The following BMP6 variants were observed in gnomAD, a reference collection of about 807,000 sequenced individuals.
BMP6 encodes the protein bone morphogenetic protein 6.
BMP6 carries 17 observed loss-of-function variants against 54.1 expected under a neutral mutation model. The observed-to-expected ratio is 0.31, with a 90% CI of 0.22 to 0.47. The LOEUF is 0.47. BMP6 is among the 20% of genes least tolerant of loss of function. The probability of loss-of-function intolerance (pLI) is 1.00; values close to 1 mark genes in which losing one functional copy is unlikely to be tolerated. For missense variants in BMP6, 720 were observed against 690.4 expected, an observed-to-expected ratio of 1.04 and a Z score of -0.48; for synonymous variants, 328 against 291.2, an observed-to-expected ratio of 1.13 and a Z score of -1.28.
chr6:7,804,646 A>G (rs1654726312), intron 1 of BMP6, among the ~76,000 whole-genome samples: 1 of 152,192 alleles, frequency 6.6e-6, no homozygotes, highest in African/African-American at 2.4e-5. Flanking sequence ...TCATTTAGCA[A>G]ACATCTGGTG....
chr6:7,771,629 G>GT (rs1757789166), intron 1 of BMP6, among the ~76,000 whole-genome samples: 4 of 152,196 alleles, frequency 2.6e-5, no homozygotes. Context: ...TTTCATGGTC[G>GT]TATTTGCTGG....
chr6:7,738,242 T>A (rs924969481), intron 1 of BMP6, among the ~76,000 whole-genome samples: 2 of 152,180 alleles, frequency 1.3e-5, no homozygotes, highest in Non-Finnish European at 2.9e-5. Flanking sequence ...TGACTTTTAC[T>A]CTCTAACCCC....
At chr6:7,748,446 T>C (rs2113125960) in intron 1 of BMP6, among the ~76,000 whole-genome samples, 1 of 152,258 alleles carries the variant, frequency 6.6e-6, no homozygotes, top group Middle Eastern at 3.4e-3. Context: ...AAAAGAAAAC[T>C]GGAACAGTTT....
At chr6:7,820,989 A>G (rs1758603097) in intron 1 of BMP6, among the ~76,000 whole-genome samples, 1 of 152,228 alleles carries the variant, frequency 6.6e-6, no homozygotes, top group Non-Finnish European at 1.5e-5. Flanking sequence ...GGAAATGCTC[A>G]TCGCCAGCCA....
chr6:7,820,559 C>T (rs1191639546), intron 1 of BMP6, among the ~76,000 whole-genome samples: 1 of 152,212 alleles, frequency 6.6e-6, no homozygotes, highest in African/African-American at 2.4e-5. Context: ...TGGGAGCCCT[C>T]AGCATCTTTC....
intron 1 of BMP6, among the ~76,000 whole-genome samples, chr6:7,801,750 C>G (rs1437766572): frequency 2.0e-5 from 3 of 152,220 alleles, no homozygotes; most frequent in Non-Finnish European, 4.4e-5. Flanking sequence ...TGCCTTCTGC[C>G]TCTTTGCAAG....
At position 7,880,627 on chromosome 6, in the gene BMP6, T is replaced by TC. The variant is rs1305025036; in HGVS notation, c.*289dup. 2.3e-6 allele frequency: 1 copy of TC among 440,504 alleles called. No individual in the cohort carries two copies. Among genetic ancestry groups the TC allele is most frequent in the African/African-American group, 2.0e-5 (1 of 51,062 alleles). The allele number at this position is 440,504 out of a possible 1,614,324, so 27.3% of individuals were successfully genotyped here. On this transcript the variant is annotated 3_prime_UTR_variant, in exon 7 of 7. Coordinates refer to ENST00000283147, the MANE Select transcript of BMP6 (RefSeq NM_001718.6). ...AACCGTGAAGCTCTTCCTACCCTCCTCCCCCAAAAACCCACCAAAATTAGT... is the reference window on the plus strand; with the variant it reads ...AACCGTGAAGCTCTTCCTACCCTCCTCCCCCCAAAAACCCACCAAAATTAGT...
At position 7,807,913 on chromosome 6, in the gene BMP6, CTTTTTTTTT is replaced by C. The variant is rs755894743; in HGVS notation, c.665-37210_665-37202del. Among the ~76,000 whole-genome samples, 25 of 81,482 alleles carry C rather than the reference CTTTTTTTTT, an allele frequency of 3.1e-4. No homozygotes were observed. In the East Asian group the frequency reaches 6.6e-3, roughly 21 times the overall value. 53.5% of individuals were successfully genotyped at this position (81,482 alleles called of 152,430 possible). A position where few individuals can be genotyped will look rare whatever the true frequency, so the allele number is the denominator to read the frequency against. ...TTGTATTACTAACGGGAAGTCTTTACTTTTTTTTTTTTTTTTTTTTTTTTTGAGACGGAG... is the reference window on the plus strand; with the variant it reads ...TTGTATTACTAACGGGAAGTCTTTACTTTTTTTTTTTTTTTTGAGACGGAG... On this transcript the variant is annotated intron_variant, in intron 1 of 6. Coordinates refer to ENST00000283147, the MANE Select transcript of BMP6 (RefSeq NM_001718.6).
chr6:7,830,245 C>T (rs1177256439), intron 1 of BMP6, among the ~76,000 whole-genome samples: 1 of 152,134 alleles, frequency 6.6e-6, no homozygotes, highest in Admixed American at 6.5e-5. Context: ...TTTCTTTTGA[C>T]TCTCATCAGT....
At chr6:7,772,647 G>T (rs1757806545) in intron 1 of BMP6, among the ~76,000 whole-genome samples, 1 of 152,138 alleles carries the variant, frequency 6.6e-6, no homozygotes, top group Non-Finnish European at 1.5e-5. Flanking sequence ...GAGCTGGTTA[G>T]GCAAAACCAG....
At chr6:7,744,686 C>T (rs1156370650) in intron 1 of BMP6, among the ~76,000 whole-genome samples, 2 of 152,220 alleles carry the variant, frequency 1.3e-5, no homozygotes, top group East Asian at 1.9e-4. Context: ...AGAAAGTTCC[C>T]TCAGGCTGCT....
chr6:7,744,961 A>G (rs1757325162), intron 1 of BMP6, among the ~76,000 whole-genome samples: 1 of 152,198 alleles, frequency 6.6e-6, no homozygotes, highest in Non-Finnish European at 1.5e-5. Context: ...CAGTGCCCAG[A>G]ATGTGCCTAG....
chr6:7,878,480 C>T (rs1368534675), intron 4 of BMP6, among the ~76,000 whole-genome samples: 1 of 152,168 alleles, frequency 6.6e-6, no homozygotes, highest in Non-Finnish European at 1.5e-5. Flanking sequence ...AGTGTTATTG[C>T]ATCAGCACAC....
rs148035325 is a variant in BMP6, at chr6:7,766,117, T to A, written c.664+38498T>A. ...CCTTTCTCCATCGGCCACAATAAAC[T>A]TAATGTCTTCACAATGACTCACAGT... is the stretch of plus-strand genomic sequence containing the variant. On this transcript the variant is annotated intron_variant, in intron 1 of 6. Coordinates refer to ENST00000283147, the MANE Select transcript of BMP6 (RefSeq NM_001718.6). 1.8e-3 allele frequency among the ~76,000 whole-genome samples: 280 copies of A among 152,348 alleles called. 2 individuals are homozygous for A. The highest frequency in any genetic ancestry group is 6.5e-3 in the African/African-American group (270 of 41,580).
intron 2 of BMP6, among the ~76,000 whole-genome samples, chr6:7,848,513 C>T (rs1047809340): frequency 3.3e-5 from 5 of 152,110 alleles, no homozygotes; most frequent in African/African-American, 1.2e-4. Flanking sequence ...GATTTCAGTT[C>T]CCCAGCTCCC....
intron 1 of BMP6, among the ~76,000 whole-genome samples, chr6:7,814,842 A>T (rs1758502471): frequency 6.6e-6 from 1 of 152,074 alleles, no homozygotes; most frequent in African/African-American, 2.4e-5. Flanking sequence ...GGAGGGGGAG[A>T]GCATTAGGAC....
chr6:7,866,149 A>C (rs931857052), intron 4 of BMP6, among the ~76,000 whole-genome samples: 1 of 152,252 alleles, frequency 6.6e-6, no homozygotes, highest in African/African-American at 2.4e-5. Flanking sequence ...GCTTCTCTGC[A>C]GCTGGCTGCT....
chr6:7,800,865 G>A (rs1298503998), intron 1 of BMP6, among the ~76,000 whole-genome samples: 1 of 148,432 alleles, frequency 6.7e-6, no homozygotes, highest in Non-Finnish European at 1.5e-5. Flanking sequence ...CATTTGAACT[G>A]GCTAGGGTTA....
At chr6:7,755,672 T>C (rs1256939771) in intron 1 of BMP6, among the ~76,000 whole-genome samples, 1 of 152,108 alleles carries the variant, frequency 6.6e-6, no homozygotes, top group African/African-American at 2.4e-5. Context: ...TTTTTTTTAA[T>C]CTAGAATCAT....
Sources: gnomAD v4.1 joint callset for allele counts (sites outside exome capture counted in the v4.1 genomes callset) on GRCh38, gnomAD v4.1.1 for gene constraint, MANE v1.5 for transcripts, NCBI Gene and HGNC (gene_info 2026-07-23, HGNC 2026-07-21) for gene names.